Variants in IL1RAPL2 observed in about 807,000 individuals in gnomAD.
IL1RAPL2 encodes the protein X-linked interleukin-1 receptor accessory protein-like 2.
A neutral mutation model predicts 44.1 loss-of-function variants in IL1RAPL2; 3 were observed. The observed-to-expected ratio is 0.07, with a 90% CI of 0.03 to 0.18. The LOEUF (loss-of-function observed/expected upper bound fraction) is 0.18. Among genes scored for constraint, IL1RAPL2 ranks in the 10% least tolerant of loss-of-function variants. The probability of loss-of-function intolerance (pLI) is 1.00; values close to 1 mark genes in which losing one functional copy is unlikely to be tolerated. For missense variants in IL1RAPL2, 391 were observed against 496.4 expected, an observed-to-expected ratio of 0.79 and a Z score of 2.02; for synonymous variants, 181 against 178.8, an observed-to-expected ratio of 1.01 and a Z score of -0.10.
intron 2 of IL1RAPL2, among the ~76,000 whole-genome samples, chrX:104,978,881 G>A (rs191211085): frequency 2.4e-4 from 27 of 111,239 alleles, no homozygotes; most frequent in African/African-American, 8.5e-4. Context: ...CTCTATTGAG[G>A]AACATGAATA....
In IL1RAPL2 at chrX:105,353,652, C is replaced by T. The variant is rs1356455674; in HGVS notation, c.697+86111C>T. 2.7e-5 allele frequency among the ~76,000 whole-genome samples: 3 copies of T among 111,281 alleles called. No individual in the cohort carries two copies. In the Admixed American group the frequency reaches 2.9e-4, roughly 11 times the overall value. Reference sequence around the variant, plus strand: ...CTCCTTGAAGAGGTCCTTCACATCCCTTGTAAGCTGGATTCCTAGGTATTT... The same window carrying T: ...CTCCTTGAAGAGGTCCTTCACATCCTTTGTAAGCTGGATTCCTAGGTATTT... On this transcript the variant is annotated intron_variant, in intron 5 of 10. Coordinates refer to ENST00000372582, the MANE Select transcript of IL1RAPL2 (RefSeq NM_017416.2).
chrX:105,110,813 T>C (rs1242688176), intron 2 of IL1RAPL2, among the ~76,000 whole-genome samples: 1 of 110,862 alleles, frequency 9.0e-6, no homozygotes, highest in East Asian at 2.8e-4. Flanking sequence ...AGCGTACACC[T>C]GTAGTCCCAG....
intron 2 of IL1RAPL2, among the ~76,000 whole-genome samples, chrX:105,078,050 G>A (rs111530222): frequency 8.1e-5 from 9 of 111,748 alleles, no homozygotes; most frequent in East Asian, 5.7e-4. Context: ...GTCATTCTCC[G>A]TCCAGCTTTG....
intron 2 of IL1RAPL2, among the ~76,000 whole-genome samples, chrX:104,883,795 G>T (rs763122857): frequency 4.6e-4 from 51 of 111,463 alleles, no homozygotes; most frequent in African/African-American, 1.6e-3. Context: ...GGAATTTTAG[G>T]ATCCCTCCTC....
Position 105,197,192 on chromosome X carries a change from T to A in IL1RAPL2, c.356+1444T>A, listed in dbSNP as rs2033679423. On this transcript the variant is annotated intron_variant, in intron 3 of 10. Transcript: ENST00000372582. ...GCAGTCATTCTGATCACACCCTTAGTGTTAAGCGGTATTTTCTCCTACTTG... is the reference window on the plus strand; with the variant it reads ...GCAGTCATTCTGATCACACCCTTAGAGTTAAGCGGTATTTTCTCCTACTTG... 2.7e-5 allele frequency among the ~76,000 whole-genome samples: 3 copies of A among 110,810 alleles called. No homozygotes were observed. In the Admixed American group the frequency reaches 2.9e-4, roughly 11 times the overall value.
chrX:105,235,312 T>C (rs1569410507), intron 4 of IL1RAPL2, among the ~76,000 whole-genome samples: 1 of 112,047 alleles, frequency 8.9e-6, no homozygotes, highest in Non-Finnish European at 1.9e-5. Flanking sequence ...GTCAACTCTC[T>C]TCTGTCAGCT....
At chrX:104,660,777 A>C (rs1405591729) in intron 2 of IL1RAPL2, among the ~76,000 whole-genome samples, 2 of 107,633 alleles carry the variant, frequency 1.9e-5, no homozygotes, top group Non-Finnish European at 3.8e-5. Flanking sequence ...TTTCTACAAA[A>C]ATGTAAAAAT....
chrX:105,219,881 A>G, intron 3 of IL1RAPL2: 1 of 976,458 alleles, frequency 1.0e-6, no homozygotes, highest in Non-Finnish European at 1.4e-6. Context: ...CAGGGTGGAG[A>G]GGGGTGGGAA....
chrX:105,149,338 G>T (rs1187910470), intron 2 of IL1RAPL2, among the ~76,000 whole-genome samples: 1 of 111,913 alleles, frequency 8.9e-6, no homozygotes, highest in African/African-American at 3.3e-5. Flanking sequence ...AAAATAGCGA[G>T]AATAGAGGAA....
At chrX:104,862,981 G>A (rs1176607062) in intron 2 of IL1RAPL2, among the ~76,000 whole-genome samples, 1 of 111,326 alleles carries the variant, frequency 9.0e-6, no homozygotes, top group African/African-American at 3.3e-5. Flanking sequence ...GGGTCTTTAT[G>A]GGGCTTAATA....
At chrX:105,406,637 A>G in intron 5 of IL1RAPL2, 1 of 1,155,090 alleles carries the variant, frequency 8.7e-7, no homozygotes, top group Non-Finnish European at 1.2e-6. Flanking sequence ...TTGCACAGGC[A>G]AATCTTTGCT....
At chrX:105,438,775 A>G (rs778120511) in intron 5 of IL1RAPL2, among the ~76,000 whole-genome samples, 1 of 110,283 alleles carries the variant, frequency 9.1e-6, no homozygotes, top group East Asian at 2.9e-4. Flanking sequence ...GTAACTGAGC[A>G]TAAGGAATTG....
intron 2 of IL1RAPL2, among the ~76,000 whole-genome samples, chrX:104,920,158 C>G (rs865873905): frequency 9.0e-6 from 1 of 111,270 alleles, no homozygotes; most frequent in Non-Finnish European, 1.9e-5. Context: ...AATACAGTCT[C>G]GAAGCAACTG....
At chrX:105,315,919 G>C (rs926658178) in intron 5 of IL1RAPL2, among the ~76,000 whole-genome samples, 1 of 109,412 alleles carries the variant, frequency 9.1e-6, no homozygotes, top group African/African-American at 3.3e-5. Context: ...GATGAGGCTG[G>C]TGAAAAACAG....
chrX:105,525,994 G>A (rs770789942), intron 6 of IL1RAPL2, among the ~76,000 whole-genome samples: 2 of 111,502 alleles, frequency 1.8e-5, no homozygotes, highest in Admixed American at 9.6e-5. Flanking sequence ...TAGACATTTT[G>A]AGATTCATAC....
In IL1RAPL2 at chrX:104,764,148, G is replaced by T. The variant is rs750106735; in HGVS notation, c.82+105153G>T. ...GGCATTGAATCTGTAGATTGCTTTG[G>T]GCTGTATGGACATTTTGACACTACT... On this transcript the variant is annotated intron_variant, in intron 2 of 10. Coordinates refer to ENST00000372582, the MANE Select transcript of IL1RAPL2 (RefSeq NM_017416.2). Among the ~76,000 whole-genome samples, 5 of 110,423 alleles carry T rather than the reference G, an allele frequency of 4.5e-5. No homozygotes were observed. In the South Asian group the frequency reaches 1.9e-3, roughly 43 times the overall value.
At chrX:104,576,663 C>T (rs1463033223) in intron 1 of IL1RAPL2, among the ~76,000 whole-genome samples, 1 of 111,922 alleles carries the variant, frequency 8.9e-6, no homozygotes, top group African/African-American at 3.2e-5. Context: ...CCCAATTGAA[C>T]CTAATAACTG....
intron 2 of IL1RAPL2, among the ~76,000 whole-genome samples, chrX:104,763,253 AAG>A (rs1932497863): frequency 8.9e-6 from 1 of 111,805 alleles, no homozygotes; most frequent in African/African-American, 3.3e-5. Flanking sequence ...AGTTCCCAAT[AAG>A]TTCCTCATCT....
At chrX:105,114,936 C>T (rs6621929) in intron 2 of IL1RAPL2, among the ~76,000 whole-genome samples, 9,608 of 111,394 alleles carry the variant, frequency 0.086, 1,022 homozygotes, top group African/African-American at 0.3. Flanking sequence ...CACATGCCAA[C>T]TATCTTATAT....
Sources: gnomAD v4.1 joint callset for allele counts (sites outside exome capture counted in the v4.1 genomes callset) on GRCh38, gnomAD v4.1.1 for gene constraint, MANE v1.5 for transcripts, NCBI Gene and HGNC (gene_info 2026-07-23, HGNC 2026-07-21) for gene names.